PEBP4: variants seen among roughly 807,000 people sequenced by gnomAD.
PEBP4 encodes phosphatidylethanolamine binding protein 4.
Under a neutral mutation model 23.9 loss-of-function variants are expected in PEBP4, and 22 were observed. The observed-to-expected ratio is 0.92, with a 90% CI of 0.66 to 1.31. The LOEUF (loss-of-function observed/expected upper bound fraction) is 1.31. Among genes scored for constraint, PEBP4 ranks in the 40% most tolerant of loss-of-function variants. The pLI, the probability that PEBP4 is intolerant of heterozygous loss-of-function variation, is 0.00. For missense variants in PEBP4, 324 were observed against 281.7 expected, an observed-to-expected ratio of 1.15 and a Z score of -1.07; for synonymous variants, 112 against 99.3, an observed-to-expected ratio of 1.13 and a Z score of -0.76.
At chr8:22,740,385 A>C (rs1329620248) in intron 4 of PEBP4, among the ~76,000 whole-genome samples, 2 of 152,216 alleles carry the variant, frequency 1.3e-5, no homozygotes, top group South Asian at 2.1e-4. Context: ...TCAGAGCAGC[A>C]GCAGTGTGCC....
intron 4 of PEBP4, among the ~76,000 whole-genome samples, chr8:22,810,915 A>AGAGAGAGAGAG: frequency 2.0e-5 from 3 of 148,458 alleles, no homozygotes; most frequent in Admixed American, 6.8e-5. Context: ...AGAGAGAGAG[A>AGAGAGAGAGAG]AACCTCCTAG....
intron 3 of PEBP4, chr8:22,887,803 T>TTTTAGTTTAGTTTAG (rs1458549358): frequency 6.6e-6 from 1 of 152,104 alleles, no homozygotes; most frequent in Admixed American, 6.5e-5. Context: ...CTCTAGCACT[T>TTTTAGTTTAGTTTAG]TTTAGTTTAT....
chr8:22,812,759 A>G (rs1269232948), intron 4 of PEBP4, among the ~76,000 whole-genome samples: 1 of 152,146 alleles, frequency 6.6e-6, no homozygotes, highest in Non-Finnish European at 1.5e-5. Context: ...ATGAGATTAT[A>G]TCATTATTTT....
intron 4 of PEBP4, among the ~76,000 whole-genome samples, chr8:22,810,877 TGAGAGAGAGAGAGAGAGAGAGA>T (rs33995327): frequency 2.5e-4 from 34 of 137,142 alleles, no homozygotes; most frequent in Non-Finnish European, 3.7e-4. Flanking sequence ...CTCAGAGTGC[TGAGAGAGAGAGAGAGAGAGAGA>T]GAGAGAGAGA....
intron 4 of PEBP4, among the ~76,000 whole-genome samples, chr8:22,741,184 G>A (rs538006717): frequency 3.3e-4 from 50 of 152,306 alleles, no homozygotes; most frequent in African/African-American, 8.2e-4. Flanking sequence ...CAACTTCCTC[G>A]GGTCTCCCTC....
intron 4 of PEBP4, among the ~76,000 whole-genome samples, chr8:22,786,678 C>T (rs1024034361): frequency 6.6e-6 from 1 of 152,188 alleles, no homozygotes; most frequent in African/African-American, 2.4e-5. Context: ...TCTCTTTCTC[C>T]TCAGTCCTAA....
intron 3 of PEBP4, among the ~76,000 whole-genome samples, chr8:22,851,884 C>T (rs1428225980): frequency 1.3e-5 from 2 of 152,022 alleles, no homozygotes; most frequent in Non-Finnish European, 2.9e-5. Context: ...AGCCCAAGGC[C>T]CTGATCATTT....
At chr8:22,783,521 TG>T (rs1805970157) in intron 4 of PEBP4, among the ~76,000 whole-genome samples, 1 of 152,220 alleles carries the variant, frequency 6.6e-6, no homozygotes, top group African/African-American at 2.4e-5. Flanking sequence ...AGGTGCTCAG[TG>T]AGAGGCCTGA....
rs184088129 is a variant in PEBP4 at position 22,810,801 on chromosome 8, G to A, written c.357+6836C>T. ...GGATGGCAGAATTGGTTTCCATAAC[G>A]ACTTTCTGATATAAACATATTTGAT... On this transcript the variant is annotated intron_variant, in intron 4 of 6. Coordinates refer to ENST00000256404, the MANE Select transcript of PEBP4 (RefSeq NM_144962.3). Among the ~76,000 whole-genome samples, 383 of 151,064 alleles carry A rather than the reference G, an allele frequency of 2.5e-3. 3 individuals carry two copies. The highest frequency in any genetic ancestry group is 8.2e-3 in the African/African-American group (336 of 41,042).
intron 3 of PEBP4, among the ~76,000 whole-genome samples, chr8:22,898,206 A>G (rs1477355127): frequency 6.6e-6 from 1 of 151,922 alleles, no homozygotes; most frequent in East Asian, 1.9e-4. Flanking sequence ...GGCTTGGCCA[A>G]TATGGTGAAA....
intron 3 of PEBP4, among the ~76,000 whole-genome samples, chr8:22,868,659 C>T (rs1171893209): frequency 3.9e-5 from 6 of 152,158 alleles, no homozygotes; most frequent in Admixed American, 3.3e-4. Context: ...ATGGCAACTA[C>T]GTCCTTCCAG....
At chr8:22,925,992 T>C (rs1809319410) in intron 2 of PEBP4, among the ~76,000 whole-genome samples, 1 of 152,218 alleles carries the variant, frequency 6.6e-6, no homozygotes, top group Admixed American at 6.5e-5. Context: ...TGTTTGTTTT[T>C]TGAGACAGAG....
upstream of PEBP4, among the ~76,000 whole-genome samples, chr8:22,931,275 T>C (rs1329750377): frequency 6.6e-6 from 1 of 152,212 alleles, no homozygotes; most frequent in African/African-American, 2.4e-5. Context: ...CCTTTTAATA[T>C]ATATAATCCA....
chr8:22,884,454 C>G (rs1232758497), intron 3 of PEBP4: 1 of 152,200 alleles, frequency 6.6e-6, no homozygotes. Context: ...ATTCTTCTCT[C>G]CTAGTGGGAT....
chr8:22,825,399 A>T (rs1167963383), intron 3 of PEBP4, among the ~76,000 whole-genome samples: 1 of 152,234 alleles, frequency 6.6e-6, no homozygotes, highest in East Asian at 1.9e-4. Context: ...CGTGCCATCA[A>T]CACTTCCAAC....
chr8:22,822,784 T>C (rs925777367), intron 3 of PEBP4, among the ~76,000 whole-genome samples: 3 of 152,032 alleles, frequency 2.0e-5, no homozygotes, highest in African/African-American at 2.4e-5. Context: ...AAAAACATTA[T>C]TGATGCACAA....
chr8:22,937,214 C>A (rs2128783479), intron 1 of PEBP4, among the ~76,000 whole-genome samples: 1 of 152,264 alleles, frequency 6.6e-6, no homozygotes, highest in African/African-American at 2.4e-5. Flanking sequence ...AAAAGAAAAA[C>A]TGTTAGAGCT....
chr8:22,915,145 A>G (rs1409356995), intron 3 of PEBP4, among the ~76,000 whole-genome samples: 1 of 152,008 alleles, frequency 6.6e-6, no homozygotes, highest in African/African-American at 2.4e-5. Context: ...CCCATGGTCC[A>G]TGCCATCACC....
intron 4 of PEBP4, among the ~76,000 whole-genome samples, chr8:22,766,457 G>A (rs1405929977): frequency 6.6e-6 from 1 of 152,226 alleles, no homozygotes; most frequent in African/African-American, 2.4e-5. Context: ...CTGAAATAAT[G>A]CACATAAGCT....
Sources: gnomAD v4.1 joint callset for allele counts (sites outside exome capture counted in the v4.1 genomes callset) on GRCh38, gnomAD v4.1.1 for gene constraint, MANE v1.5 for transcripts, NCBI Gene and HGNC (gene_info 2026-07-23, HGNC 2026-07-21) for gene names.